Variants in TRIM65 observed in about 807,000 individuals in gnomAD.
TRIM65 encodes E3 ubiquitin-protein ligase TRIM65.
A neutral mutation model predicts 36.1 loss-of-function variants in TRIM65; 46 were observed. That is an observed-to-expected ratio of 1.27 (90% CI 1.01 to 1.63). The LOEUF (loss-of-function observed/expected upper bound fraction) is 1.63, where lower values mean the gene tolerates loss of function less well. TRIM65 is among the 40% of genes most tolerant of loss of function. TRIM65 has a pLI of 0.00. For missense variants in TRIM65, 708 were observed against 696.6 expected, an observed-to-expected ratio of 1.02 and a Z score of -0.18; for synonymous variants, 346 against 313.6, an observed-to-expected ratio of 1.10 and a Z score of -1.09.
At chr17:75,879,836 C>T (rs2065158641), downstream of TRIM65, among the ~76,000 whole-genome samples, 1 of 150,724 alleles carries the variant, frequency 6.6e-6, no homozygotes, top group Non-Finnish European at 1.5e-5. Flanking sequence ...TCACTGCAAC[C>T]TCTGTCTCCT....
downstream of TRIM65, among the ~76,000 whole-genome samples, chr17:75,884,138 A>AAAAT (rs982939480): frequency 1.3e-5 from 2 of 151,218 alleles, no homozygotes; most frequent in African/African-American, 4.9e-5. Context: ...TCCATCTCAA[A>AAAAT]AAATAAATAA....
At chr17:75,887,154 T>TAAA (rs5822108), downstream of TRIM65, among the ~76,000 whole-genome samples, 8 of 101,718 alleles carry the variant, frequency 7.9e-5, no homozygotes, top group African/African-American at 3.0e-4. Flanking sequence ...CCCCATCTCT[T>TAAA]AAAAAAAAAA....
In TRIM65 at chr17:75,890,875, G is replaced by T. The variant is rs1278112194; in HGVS notation, c.1458C>A (p.Thr486=). ...TFHALFNQPL[T]PVFWLLEGRT... The stretch of plus-strand genomic sequence containing the variant: ...TACCCTCGAGGAGCCAGAAGACGGG[G>T]GTGAGGGGCTGGTTGAAGAGGGCAT... The change falls in exon 6 of 6, where the codon ACC becomes ACA. Residue 486 remains threonine (T), a synonymous_variant. Transcript: ENST00000269383. 1.2e-5 allele frequency: 18 copies of T among 1,532,284 alleles called. No individual in the cohort carries two copies. The highest frequency in any genetic ancestry group is 1.6e-5 in the Non-Finnish European group (18 of 1,143,188). The allele number at this position is 1,532,284 out of a possible 1,614,324, so 94.9% of individuals were successfully genotyped here. A position where few individuals can be genotyped will look rare whatever the true frequency, so the allele number is the denominator to read the frequency against.
chr17:75,896,536 G>A lies in TRIM65; in HGVS notation c.402C>T (p.Arg134=). 1 of 1,347,842 alleles carries A rather than the reference G, an allele frequency of 7.4e-7. No homozygotes were observed. The highest frequency in any genetic ancestry group is 1.8e-5 in the South Asian group (1 of 56,826). The allele number at this position is 1,347,842 out of a possible 1,614,324, so 83.5% of individuals were successfully genotyped here. Residue 134 remains arginine, a synonymous_variant, in exon 1 of 6, where the codon CGC becomes CGT. Transcript: ENST00000269383. ...LHERALLDAE[R]LKREAQLRAS... ...GCGGATGCGTCACCTCGCGCTTGAG[G>A]CGCTCGGCATCCAGCAGCGCCCGCT...
At position 75,891,065 on chromosome 17, in the gene TRIM65, C is replaced by T. The variant is rs1389870039; in HGVS notation, c.1268G>A (p.Trp423Ter). The change falls in exon 6 of 6, where the codon TGG becomes TAG. Residue 423 changes from tryptophan to a stop codon, truncating the protein, a stop_gained. Transcript: ENST00000269383. LOFTEE classifies it low-confidence loss of function (END_TRUNC). ...TDNIGRGPCSWGLCVQEDSLQ... is the reference protein window; with the variant it reads ...TDNIGRGPCS ...GCTGTCCTCCTGGACGCAGAGCCCC[C>T]AGGAGCAGGGTCCCCGGCCAATGTT... 1 of 1,612,412 alleles carries T rather than the reference C, an allele frequency of 6.2e-7. No homozygotes were observed. The highest frequency in any genetic ancestry group is 8.5e-7 in the Non-Finnish European group (1 of 1,179,816).
chr17:75,896,798 C>A lies in TRIM65; in HGVS notation c.140G>T (p.Cys47Phe), dbSNP rs2065356289. 6.6e-7 allele frequency: 1 copy of A among 1,510,424 alleles called. No individual in the cohort carries two copies. Among genetic ancestry groups the A allele is most frequent in the African/African-American group, 1.4e-5 (1 of 69,594 alleles). The allele number at this position is 1,510,424 out of a possible 1,614,324, so 93.6% of individuals were successfully genotyped here. A position where few individuals can be genotyped will look rare whatever the true frequency, so the allele number is the denominator to read the frequency against. The change falls in exon 1 of 6, where the codon TGC becomes TTC. Residue 47 changes from cysteine (C) to phenylalanine (F), a missense_variant. Cys to Phe is a radical substitution (Grantham distance 205). Transcript: ENST00000269383. ...RDWWDRCGKA[C>F]PECREPFPDG... ...GGGAAAGGGCTCCCGGCACTCGGGG[C>A]ACGCCTTTCCGCAGCGGTCCCACCA...
At position 75,896,883 on chromosome 17, in the gene TRIM65, A is replaced by G. The variant is rs749450735; in HGVS notation, c.55T>C (p.Tyr19His). 80 of 1,527,814 alleles carry G rather than the reference A, an allele frequency of 5.2e-5. No homozygotes were observed. The East Asian group carries it at 8.0e-4, about 15-fold the overall frequency. 94.6% of individuals were successfully genotyped at this position (1,527,814 alleles called of 1,614,324 possible). A position where few individuals can be genotyped will look rare whatever the true frequency, so the allele number is the denominator to read the frequency against. ...KLTCAICLGLYQDPVTLPCGH... is the reference protein window; with the variant it reads ...KLTCAICLGLHQDPVTLPCGH... Reference sequence around the variant, plus strand: ...CAGGGCAGCGTCACTGGGTCCTGGTAGAGCCCCAGGCAGATGGCGCAGGTC... The same window carrying G: ...CAGGGCAGCGTCACTGGGTCCTGGTGGAGCCCCAGGCAGATGGCGCAGGTC... The change falls in exon 1 of 6, where the codon TAC becomes CAC. Residue 19 changes from tyrosine to histidine, a missense_variant. Coordinates refer to ENST00000269383, the MANE Select transcript of TRIM65 (RefSeq NM_173547.4).
chr17:75,893,538 C>A (rs2065303433), intron 1 of TRIM65, among the ~76,000 whole-genome samples: 1 of 152,110 alleles, frequency 6.6e-6, no homozygotes, highest in Non-Finnish European at 1.5e-5. Flanking sequence ...CCCAGGGGCT[C>A]CATTCCCAGC....
chr17:75,881,439 C>T (rs547425652), intron 4 of TRIM65, among the ~76,000 whole-genome samples: 6 of 150,212 alleles, frequency 4.0e-5, no homozygotes, highest in Admixed American at 1.3e-4. Flanking sequence ...TCTGCGATCA[C>T]GGTGACAGCA....
chr17:75,885,718 G>C (rs557949080), downstream of TRIM65, among the ~76,000 whole-genome samples: 20 of 152,340 alleles, frequency 1.3e-4, 1 homozygote, highest in South Asian at 2.9e-3. Flanking sequence ...TGACGTGTCT[G>C]CAAGTGTCTC....
At chr17:75,885,428 C>T (rs1458470972), downstream of TRIM65, among the ~76,000 whole-genome samples, 1 of 152,178 alleles carries the variant, frequency 6.6e-6, no homozygotes, top group Non-Finnish European at 1.5e-5. Context: ...AGGTGTGCAC[C>T]ACCATGGCCA....
At chr17:75,887,035 T>C (rs1362331964), downstream of TRIM65, among the ~76,000 whole-genome samples, 3 of 151,104 alleles carry the variant, frequency 2.0e-5, no homozygotes, top group Admixed American at 2.0e-4. Context: ...TATGCGACTG[T>C]AGTTCCAGCT....
chr17:75,886,521 CAAAAA>C (rs537579897), downstream of TRIM65, among the ~76,000 whole-genome samples: 6 of 77,042 alleles, frequency 7.8e-5, no homozygotes, highest in East Asian at 1.9e-3. Context: ...GACTCCGTTT[CAAAAA>C]AAAAAAAAAA....
chr17:75,896,884 G>C lies in TRIM65; in HGVS notation c.54C>G (p.Leu18=). 2.0e-6 allele frequency: 3 copies of C among 1,527,684 alleles called. No homozygotes were observed. The highest frequency in any genetic ancestry group is 2.6e-6 in the Non-Finnish European group (3 of 1,141,484). 94.6% of individuals were successfully genotyped at this position (1,527,684 alleles called of 1,614,324 possible). A position where few individuals can be genotyped will look rare whatever the true frequency, so the allele number is the denominator to read the frequency against. Residue 18 remains leucine (L), a synonymous_variant, in exon 1 of 6, where the codon CTC becomes CTG. Transcript: ENST00000269383. ...EKLTCAICLG[L]YQDPVTLPCG... is the part of the protein sequence containing the mutation. ...AGGGCAGCGTCACTGGGTCCTGGTAGAGCCCCAGGCAGATGGCGCAGGTCA... is the reference window on the plus strand; with the variant it reads ...AGGGCAGCGTCACTGGGTCCTGGTACAGCCCCAGGCAGATGGCGCAGGTCA...
downstream of TRIM65, among the ~76,000 whole-genome samples, chr17:75,887,959 T>A (rs1367228365): frequency 6.6e-6 from 1 of 151,864 alleles, no homozygotes; most frequent in Non-Finnish European, 1.5e-5. Context: ...ATCGAGATCA[T>A]CCTGGCTAAC....
chr17:75,886,317 T>C (rs1488234797), downstream of TRIM65, among the ~76,000 whole-genome samples: 2 of 151,928 alleles, frequency 1.3e-5, no homozygotes, highest in African/African-American at 4.8e-5. Flanking sequence ...GGTCAGGAGA[T>C]CGAGACCATC....
chr17:75,892,736 G>A lies in TRIM65; in HGVS notation c.510+19C>T. 2 of 1,595,916 alleles carry A rather than the reference G, an allele frequency of 1.3e-6. No individual in the cohort carries two copies. Among genetic ancestry groups the A allele is most frequent in the Non-Finnish European group, 1.7e-6 (2 of 1,175,268 alleles). On this transcript the variant is annotated intron_variant, in intron 2 of 5. Transcript: ENST00000269383. ...TGCAGTGTGAGGCCATGGTGGGCGG[G>A]CAGGCACAGGCCTCGTACCTGGATC...
In TRIM65 at chr17:75,892,486, G is replaced by C; in HGVS notation, c.525C>G (p.Ile175Met). 1 of 1,613,910 alleles carries C rather than the reference G, an allele frequency of 6.2e-7. No individual in the cohort carries two copies. The highest frequency in any genetic ancestry group is 1.7e-5 in the Admixed American group (1 of 59,984). The change falls in exon 3 of 6, where the codon ATC (isoleucine) becomes ATG (methionine). Residue 175 changes from isoleucine to methionine, a missense_variant. Transcript: ENST00000269383. ...QSSQIQNSAC[I>M]LASWVSGKFS... is the part of the protein sequence containing the mutation. ...ACTTGCCGGAGACCCAGGAGGCCAA[G>C]ATGCAGGCCGAGTTCTGGGCGGGAA...
At chr17:75,881,235 C>CAAAAAAAAAAAAAAAAAAA (rs58718762) in intron 4 of TRIM65, among the ~76,000 whole-genome samples, 1 of 110,270 alleles carries the variant, frequency 9.1e-6, no homozygotes, top group African/African-American at 3.1e-5. Context: ...GACTCCATCT[C>CAAAAAAAAAAAAAAAAAAA]AAAAAAAAAA....
Sources: gnomAD v4.1 joint callset for allele counts (sites outside exome capture counted in the v4.1 genomes callset) on GRCh38, gnomAD v4.1.1 for gene constraint, MANE v1.5 for transcripts, NCBI Gene and HGNC (gene_info 2026-07-23, HGNC 2026-07-21) for gene names.